Variants in ANKS1A observed in about 807,000 individuals in gnomAD.
ANKS1A encodes ankyrin repeat and sterile alpha motif domain containing 1A, also known as ankyrin repeat and SAM domain-containing protein 1A.
In ANKS1A, 55 loss-of-function variants were observed where a neutral mutation model predicts 120.3. That is an observed-to-expected ratio of 0.46 (90% confidence interval 0.37 to 0.57). The LOEUF (loss-of-function observed/expected upper bound fraction) is 0.57. ANKS1A is among the 20% of genes least tolerant of loss of function. The pLI, the probability that ANKS1A is intolerant of heterozygous loss-of-function variation, is 0.00. For synonymous variants in ANKS1A, 590 were observed against 604.7 expected (o/e 0.98, Z 0.36); for missense variants, 1,123 against 1,480.3 (o/e 0.76, Z 3.96).
chr6:34,896,602 G>T (rs890800381), intron 1 of ANKS1A, among the ~76,000 whole-genome samples: 1 of 152,128 alleles, frequency 6.6e-6, no homozygotes, highest in Non-Finnish European at 1.5e-5. Flanking sequence ...ACTGAGTAAG[G>T]CATTTACTTA....
At chr6:34,895,780 CTT>C (rs995285475) in intron 1 of ANKS1A, among the ~76,000 whole-genome samples, 1,382 of 90,182 alleles carry the variant, frequency 0.015, 3 homozygotes, top group Non-Finnish European at 0.025. Context: ...GAATGTCTTT[CTT>C]TTTTTTTTTT....
intron 13 of ANKS1A, among the ~76,000 whole-genome samples, chr6:35,077,936 G>A (rs1015068559): frequency 6.6e-6 from 1 of 152,194 alleles, no homozygotes; most frequent in Admixed American, 6.5e-5. Context: ...CGTGCTTAGC[G>A]CTGCAGGTGG....
Position 35,090,852 on chromosome 6 carries a change from C to G in ANKS1A, c.*2243C>G, listed in dbSNP as rs1186715167. On this transcript the variant is annotated 3_prime_UTR_variant, in exon 24 of 24. Transcript: ENST00000360359. ...CAGTACCTGTCCCAGCCACAGGCTT[C>G]TTGTCCACCTCTTCTCCCCTGCCCA... 1 of 985,678 alleles carries G rather than the reference C, an allele frequency of 1.0e-6. No homozygotes were observed. The highest frequency in any genetic ancestry group is 1.2e-6 in the Non-Finnish European group (1 of 830,230). The allele number at this position is 985,678 out of a possible 1,614,324, so 61.1% of individuals were successfully genotyped here.
At chr6:34,947,283 A>T (rs1270502078) in intron 1 of ANKS1A, among the ~76,000 whole-genome samples, 1 of 150,970 alleles carries the variant, frequency 6.6e-6, no homozygotes, top group African/African-American at 2.4e-5. Flanking sequence ...GTAGCTTGGG[A>T]CTACAGGCGC....
chr6:35,067,982 C>T (rs1046097000), intron 13 of ANKS1A, among the ~76,000 whole-genome samples: 4 of 151,142 alleles, frequency 2.6e-5, no homozygotes, highest in African/African-American at 7.3e-5. Context: ...CTCTGCTCCG[C>T]CCCCAGTTCA....
At chr6:35,006,190 A>T (rs1238194899) in intron 10 of ANKS1A, among the ~76,000 whole-genome samples, 2 of 37,144 alleles carry the variant, frequency 5.4e-5, no homozygotes. Flanking sequence ...TCTGTCTTAA[A>T]AAAAAAAAAA....
At chr6:34,984,832 T>C (rs1772097051) in intron 7 of ANKS1A, among the ~76,000 whole-genome samples, 1 of 152,208 alleles carries the variant, frequency 6.6e-6, no homozygotes, top group African/African-American at 2.4e-5. Context: ...ATAAAGGCCT[T>C]GGGAGGTATC....
intron 10 of ANKS1A, among the ~76,000 whole-genome samples, chr6:35,017,127 C>T (rs904797479): frequency 1.2e-4 from 18 of 152,042 alleles, no homozygotes; most frequent in African/African-American, 4.1e-4. Context: ...TGTGTCCTTT[C>T]TCTAGGTTAT....
At chr6:35,095,581 GACGA>G (rs1778441560), downstream of ANKS1A, among the ~76,000 whole-genome samples, 1 of 80,102 alleles carries the variant, frequency 1.2e-5, no homozygotes, top group East Asian at 3.2e-4. Flanking sequence ...AAAAAGGAAA[GACGA>G]AAGAAAGAGA....
At chr6:34,902,492 C>T (rs1023982707) in intron 1 of ANKS1A, among the ~76,000 whole-genome samples, 2 of 152,150 alleles carry the variant, frequency 1.3e-5, no homozygotes, top group Admixed American at 1.3e-4. Flanking sequence ...AGATGATCCA[C>T]CCGCCTCGGC....
At chr6:34,981,654 G>A in intron 3 of ANKS1A, 36 bp from the exon 4 acceptor site, 2 of 1,595,978 alleles carry the variant, frequency 1.3e-6, no homozygotes, top group Non-Finnish European at 1.7e-6. Flanking sequence ...GTCTGCCAGT[G>A]ACCTTTCTGA....
intron 2 of ANKS1A, among the ~76,000 whole-genome samples, chr6:34,969,414 C>T (rs1032040318): frequency 2.0e-5 from 3 of 152,154 alleles, no homozygotes; most frequent in African/African-American, 7.2e-5. Context: ...ACCACCACAC[C>T]CAGCTAATTT....
intron 1 of ANKS1A, among the ~76,000 whole-genome samples, chr6:34,911,988 C>T (rs184089902): frequency 1.5e-3 from 231 of 152,226 alleles, no homozygotes; most frequent in Non-Finnish European, 2.4e-3. Flanking sequence ...TTAATACTTT[C>T]GCAATAACAC....
chr6:34,964,434 T>A (rs1197095502), intron 1 of ANKS1A, among the ~76,000 whole-genome samples: 1 of 152,146 alleles, frequency 6.6e-6, no homozygotes, highest in Admixed American at 6.5e-5. Flanking sequence ...ATTTGGTGAG[T>A]GCTCTTCCAG....
intron 1 of ANKS1A, among the ~76,000 whole-genome samples, chr6:34,914,928 C>G (rs900174433): frequency 3.3e-5 from 5 of 152,178 alleles, no homozygotes; most frequent in Admixed American, 1.3e-4. Flanking sequence ...CAGAGCTGAC[C>G]TGCTGTGCTT....
At chr6:34,963,467 A>G (rs1770751671) in intron 1 of ANKS1A, among the ~76,000 whole-genome samples, 2 of 152,128 alleles carry the variant, frequency 1.3e-5, no homozygotes, top group Non-Finnish European at 2.9e-5. Context: ...TTCCTTTCCT[A>G]AGGAAAGTAT....
chr6:35,097,462 T>C, the ANKS1A span, among the ~76,000 whole-genome samples: 2 of 151,096 alleles, frequency 1.3e-5, no homozygotes, highest in Admixed American at 1.3e-4. Flanking sequence ...TGATCTGAGA[T>C]CATGCCACTG....
At chr6:34,900,164 G>A (rs1767278125) in intron 1 of ANKS1A, among the ~76,000 whole-genome samples, 1 of 152,216 alleles carries the variant, frequency 6.6e-6, no homozygotes, top group Admixed American at 6.5e-5. Context: ...AAAGTTAAGA[G>A]AGAGGTTAAA....
At chr6:34,913,053 CTG>C (rs770627894) in intron 1 of ANKS1A, among the ~76,000 whole-genome samples, 6 of 152,120 alleles carry the variant, frequency 3.9e-5, no homozygotes, top group Non-Finnish European at 8.8e-5. Flanking sequence ...AGTTTCTGTT[CTG>C]TGTTAGGCCC....
Sources: gnomAD v4.1 joint callset for allele counts (sites outside exome capture counted in the v4.1 genomes callset) on GRCh38, gnomAD v4.1.1 for gene constraint, MANE v1.5 for transcripts, NCBI Gene and HGNC (gene_info 2026-07-23, HGNC 2026-07-21) for gene names.